PPP2R3B: variants seen among roughly 807,000 people sequenced by gnomAD.
PPP2R3B encodes protein phosphatase 2 regulatory subunit B''beta, also known as serine/threonine-protein phosphatase 2A regulatory subunit B'' subunit beta.
A neutral mutation model predicts 72.9 loss-of-function variants in PPP2R3B; 68 were observed. The ratio of observed to expected loss-of-function variants is 0.93; its 90% CI spans 0.77 to 1.14. The LOEUF is 1.14. Among genes scored for constraint, PPP2R3B ranks in the 50% most tolerant of loss-of-function variants. The pLI is 0.00. For synonymous variants in PPP2R3B, 466 were observed against 375.8 expected, an observed-to-expected ratio of 1.24 and a Z score of -2.78; for missense variants, 1,018 against 842.0, an observed-to-expected ratio of 1.21 and a Z score of -2.59.
chrX:381,580 G>C (rs754460383), intron 1 of PPP2R3B, among the ~76,000 whole-genome samples: 1 of 150,328 alleles, frequency 6.7e-6, no homozygotes, highest in South Asian at 2.1e-4. Flanking sequence ...GGGATGGACA[G>C]GAACAAGCTC....
intron 5 of PPP2R3B, 66 bp downstream of exon 5, chrX:346,635 C>G: frequency 6.9e-7 from 1 of 1,458,126 alleles, no homozygotes; most frequent in Non-Finnish European, 9.4e-7. Flanking sequence ...AGAAGCCCCG[C>G]GGCGGCCGCT....
At chrX:360,104 G>A (rs1487845207) in intron 2 of PPP2R3B, among the ~76,000 whole-genome samples, 2 of 152,208 alleles carry the variant, frequency 1.3e-5, no homozygotes, top group African/African-American at 4.8e-5. Context: ...TGTGAATCCA[G>A]TTGCAAAATT....
At chrX:361,966 C>G (rs2071551224) in intron 1 of PPP2R3B, among the ~76,000 whole-genome samples, 1 of 152,180 alleles carries the variant, frequency 6.6e-6, no homozygotes, top group Admixed American at 6.5e-5. Context: ...TGGCAGGGAC[C>G]TGGGGAAAAG....
At chrX:367,326 C>G (rs982058130) in intron 1 of PPP2R3B, among the ~76,000 whole-genome samples, 1 of 151,776 alleles carries the variant, frequency 6.6e-6, no homozygotes, top group African/African-American at 2.4e-5. Flanking sequence ...GTCAATACAA[C>G]AGCCTGTCAG....
At chrX:361,791 A>G (rs1271500397) in intron 1 of PPP2R3B, among the ~76,000 whole-genome samples, 1 of 152,102 alleles carries the variant, frequency 6.6e-6, no homozygotes, top group Non-Finnish European at 1.5e-5. Context: ...AGGCCACACC[A>G]TGCTGCCATG....
intron 1 of PPP2R3B, among the ~76,000 whole-genome samples, chrX:383,103 G>C (rs899533412): frequency 6.6e-6 from 1 of 152,174 alleles, no homozygotes; most frequent in African/African-American, 2.4e-5. Context: ...GATCTGGAGG[G>C]CCTGAGCCAG....
rs2072221847 is a variant in PPP2R3B, at chrX:385,315, GTTTT to G, written c.324+1049_324+1052del. Among the ~76,000 whole-genome samples the G allele has an allele frequency of 7.5e-5, 8 of 106,740 alleles. No homozygotes were observed. The South Asian group carries it at 9.6e-4, about 13-fold the overall frequency. 70.0% of individuals were successfully genotyped at this position (106,740 alleles called of 152,430 possible). A position where few individuals can be genotyped will look rare whatever the true frequency, so the allele number is the denominator to read the frequency against. On this transcript the variant is annotated intron_variant, in intron 1 of 12. Transcript: ENST00000390665. ...TCTTCCCTCCAAGTGCTTGTTTTTAGTTTTCTTTTTTTTTTTTTTTTTTTTTTTT... is the reference window on the plus strand; with the variant it reads ...TCTTCCCTCCAAGTGCTTGTTTTTAGCTTTTTTTTTTTTTTTTTTTTTTTT...
chrX:349,742 C>T (rs1336998156), intron 2 of PPP2R3B, among the ~76,000 whole-genome samples: 1 of 152,146 alleles, frequency 6.6e-6, no homozygotes, highest in Non-Finnish European at 1.5e-5. Flanking sequence ...TTCAATAATG[C>T]CATCTATCAA....
chrX:372,470 C>T (rs1336053425), intron 1 of PPP2R3B, among the ~76,000 whole-genome samples: 1 of 152,200 alleles, frequency 6.6e-6, no homozygotes, highest in African/African-American at 2.4e-5. Context: ...GCGCCCGCCA[C>T]GCACACCCTG....
intron 5 of PPP2R3B, 28 bp from the exon 6 acceptor site, chrX:346,288 T>G: frequency 6.5e-7 from 1 of 1,543,158 alleles, no homozygotes; most frequent in Non-Finnish European, 8.8e-7. Context: ...GTGCGGTGGG[T>G]GCGCAGAGAC....
At position 338,762 on chromosome X, in the gene PPP2R3B, T is replaced by A. The variant is rs1366707484; in HGVS notation, c.1470+16A>T. 3.1e-6 allele frequency: 5 copies of A among 1,611,944 alleles called. No homozygotes were observed. The highest frequency in any genetic ancestry group is 1.7e-5 in the Admixed American group (1 of 59,990). ...ACGGCGTGGCGCGGCCCGGCCCGCG[T>A]GCCCGCCGCACTCACCCTGAGCAGG... On this transcript the variant is annotated intron_variant, in intron 11 of 12. Coordinates refer to ENST00000390665, the MANE Select transcript of PPP2R3B (RefSeq NM_013239.5).
intron 7 of PPP2R3B, among the ~76,000 whole-genome samples, chrX:344,190 GTGAGACCTCAGCAACGGGAGGCGGGAT>G (rs1375712552): frequency 0.043 from 4,397 of 102,542 alleles, 909 homozygotes; most frequent in East Asian, 0.057. Context: ...GGAGGCGGGA[GTGAGACCTCAGCAACGGGAGGCGGGAT>G]TGAGACCTCA....
intron 6 of PPP2R3B, among the ~76,000 whole-genome samples, chrX:345,965 T>A (rs1167826728): frequency 7.0e-6 from 1 of 142,298 alleles, no homozygotes; most frequent in Non-Finnish European, 1.5e-5. Flanking sequence ...GCCTCCTAGA[T>A]CAACCGTGGA....
chrX:384,724 C>T (rs372324255), intron 1 of PPP2R3B, among the ~76,000 whole-genome samples: 5 of 152,158 alleles, frequency 3.3e-5, no homozygotes, highest in African/African-American at 1.2e-4. Context: ...GTGGCTCACG[C>T]CTGTCATCCC....
intron 1 of PPP2R3B, among the ~76,000 whole-genome samples, chrX:383,698 C>T (rs1044626801): frequency 6.1e-4 from 93 of 151,274 alleles, no homozygotes; most frequent in Non-Finnish European, 9.7e-4. Context: ...ATTAGCCGGG[C>T]GTGGTGGCGG....
At chrX:368,408 GAC>G (rs2071775134) in intron 1 of PPP2R3B, among the ~76,000 whole-genome samples, 3 of 72,480 alleles carry the variant, frequency 4.1e-5, no homozygotes, top group Admixed American at 1.3e-4. Context: ...CTTGGGCACC[GAC>G]ACGGGGAAGG....
intron 10 of PPP2R3B, 161 bp downstream of exon 10, chrX:340,604 C>T (rs1201654883): frequency 7.0e-6 from 1 of 142,930 alleles, no homozygotes; most frequent in Non-Finnish European, 1.3e-5. Context: ...CCGTCCGTCC[C>T]CTCTCCCTGG....
chrX:368,533 A>C (rs374753703), intron 1 of PPP2R3B, among the ~76,000 whole-genome samples: 1,564 of 22,462 alleles, frequency 0.07, no homozygotes, highest in Admixed American at 0.12. Flanking sequence ...GGGGGGAAGG[A>C]CGGGACCACC....
intron 1 of PPP2R3B, among the ~76,000 whole-genome samples, chrX:381,826 C>T (rs1361314457): frequency 6.6e-6 from 1 of 151,900 alleles, no homozygotes; most frequent in Non-Finnish European, 1.5e-5. Flanking sequence ...TCTCTATCTC[C>T]TGACCTTGTG....
Sources: allele counts gnomAD v4.1 joint callset (sites outside exome capture counted in the v4.1 genomes callset), GRCh38; gene constraint gnomAD v4.1.1; transcripts MANE v1.5; gene names NCBI Gene and HGNC (gene_info 2026-07-23, HGNC 2026-07-21).